Variants in DOCK5 observed in about 807,000 individuals in gnomAD.
DOCK5 encodes the protein dedicator of cytokinesis 5.
Under a neutral mutation model 251.8 loss-of-function variants are expected in DOCK5, and 142 were observed. The observed-to-expected ratio is 0.56, with a 90% CI of 0.49 to 0.65. The LOEUF is 0.65. DOCK5 is among the 30% of genes least tolerant of loss of function. DOCK5 has a pLI of 0.00. For missense variants in DOCK5, 2,111 were observed against 2,312.3 expected (o/e 0.91, Z 1.79); for synonymous variants, 842 against 835.5 (o/e 1.01, Z -0.13).
chr8:25,271,960 A>G (rs1803923793), intron 3 of DOCK5, among the ~76,000 whole-genome samples: 1 of 152,232 alleles, frequency 6.6e-6, no homozygotes, highest in Non-Finnish European at 1.5e-5. Context: ...CACACATACT[A>G]TGTAACAAAT....
At chr8:25,241,358 G>A (rs1479938372) in intron 1 of DOCK5, among the ~76,000 whole-genome samples, 1 of 151,952 alleles carries the variant, frequency 6.6e-6, no homozygotes, top group African/African-American at 2.4e-5. Flanking sequence ...GGCACCTGTA[G>A]TCCCAGCTAC....
intron 16 of DOCK5, among the ~76,000 whole-genome samples, 184 bp from the exon 17 acceptor site, chr8:25,323,664 G>T (rs907567463): frequency 2.6e-5 from 4 of 152,082 alleles, no homozygotes; most frequent in African/African-American, 9.7e-5. Flanking sequence ...GAAGAGGAGA[G>T]CATACTTGGG....
At position 25,392,892 on chromosome 8, in the gene DOCK5, T is replaced by C. The variant is rs1352984791; in HGVS notation, c.4527+10T>C. The C allele has an allele frequency of 1.9e-6, 3 of 1,603,634 alleles. No individual in the cohort carries two copies. The highest frequency in any genetic ancestry group is 3.4e-5 in the Admixed American group (2 of 58,872). The stretch of plus-strand genomic sequence containing the variant: ...CAAACAGATTTCAACAGTGAGTCAT[T>C]TGAAATTGGCATTTAGAAAAAAACT... On this transcript the variant is annotated intron_variant, in intron 44 of 51. Transcript: ENST00000276440.
chr8:25,339,257 A>G (rs1805890951), intron 22 of DOCK5, among the ~76,000 whole-genome samples: 2 of 152,118 alleles, frequency 1.3e-5, no homozygotes, highest in Admixed American at 6.6e-5. Context: ...TCAGCAAAAC[A>G]CCAAGAAAAA....
At chr8:25,370,289 C>G (rs1329758819) in intron 34 of DOCK5, among the ~76,000 whole-genome samples, 2 of 152,180 alleles carry the variant, frequency 1.3e-5, no homozygotes, top group Non-Finnish European at 2.9e-5. Flanking sequence ...AACTTCAAAC[C>G]CTGTTTTCGC....
chr8:25,366,974 A>G lies in DOCK5; in HGVS notation c.3224+4A>G. On this transcript the variant is annotated splice_donor_region_variant and intron_variant, in intron 31 of 51. Coordinates refer to ENST00000276440, the MANE Select transcript of DOCK5 (RefSeq NM_024940.8). ...AGCGCAACAAAATTGTTAAAAAGTA[A>G]GTGTCCTTTTAAAGTTAAGATCGGG... is the stretch of plus-strand genomic sequence containing the variant. 4 of 1,612,314 alleles carry G rather than the reference A, an allele frequency of 2.5e-6. No homozygotes were observed. The highest frequency in any genetic ancestry group is 3.4e-6 in the Non-Finnish European group (4 of 1,178,496).
At position 25,309,514 on chromosome 8, in the gene DOCK5, G is replaced by A. The variant is rs1805034818; in HGVS notation, c.1192+589G>A. On this transcript the variant is annotated intron_variant, in intron 12 of 51. Coordinates refer to ENST00000276440, the MANE Select transcript of DOCK5 (RefSeq NM_024940.8). ...TTTTTGCCTACCCTTCATTCCCAATGTCGACCCTAGATAATAATTATGCTC... is the reference window on the plus strand; with the variant it reads ...TTTTTGCCTACCCTTCATTCCCAATATCGACCCTAGATAATAATTATGCTC... 2.6e-5 allele frequency among the ~76,000 whole-genome samples: 4 copies of A among 152,066 alleles called. No homozygotes were observed. In the South Asian group the frequency reaches 6.2e-4, roughly 24 times the overall value.
Position 25,185,248 on chromosome 8 carries a change from G to A in DOCK5, c.43+297G>A, listed in dbSNP as rs746994586. Among the ~76,000 whole-genome samples, 68 of 152,288 alleles carry A rather than the reference G, an allele frequency of 4.5e-4. 1 individual carries two copies. Among genetic ancestry groups the A allele is most frequent in the Middle Eastern group, 3.4e-3 (1 of 294 alleles). On this transcript the variant is annotated intron_variant, in intron 1 of 51. Coordinates refer to ENST00000276440, the MANE Select transcript of DOCK5 (RefSeq NM_024940.8). ...CCAGGGAAATGTCAACGCGAGGGGG[G>A]CGCGCCTGCTGCTCTTTTGGGGCCG...
At chr8:25,190,775 G>GATTTTTT (rs755511798) in intron 1 of DOCK5, among the ~76,000 whole-genome samples, 14 of 53,980 alleles carry the variant, frequency 2.6e-4, no homozygotes, top group South Asian at 6.7e-4. Context: ...CTTGGTCATG[G>GATTTTTT]GTTTTTTTTT....
At chr8:25,341,894 C>A in intron 24 of DOCK5, 85 bp downstream of exon 24, 2 of 1,100,814 alleles carry the variant, frequency 1.8e-6, no homozygotes, top group Non-Finnish European at 2.6e-6. Flanking sequence ...CTACACCTGG[C>A]TTTTATTTTT....
intron 45 of DOCK5, among the ~76,000 whole-genome samples, chr8:25,396,572 A>G (rs1801348684): frequency 6.6e-6 from 1 of 152,188 alleles, no homozygotes; most frequent in Admixed American, 6.5e-5. Context: ...GTTAGGTATA[A>G]TTAATGGAGG....
chr8:25,273,909 G>A (rs1803977872), intron 3 of DOCK5, among the ~76,000 whole-genome samples: 1 of 152,148 alleles, frequency 6.6e-6, no homozygotes, highest in Non-Finnish European at 1.5e-5. Flanking sequence ...GGTCTCATCA[G>A]TAACGGGATT....
intron 27 of DOCK5, among the ~76,000 whole-genome samples, chr8:25,357,722 C>T (rs554466579): frequency 3.3e-5 from 5 of 152,200 alleles, no homozygotes; most frequent in Admixed American, 3.3e-4. Context: ...CTAAGGCATA[C>T]GTTCAGAAAG....
At chr8:25,213,300 C>T (rs1223770549) in intron 1 of DOCK5, among the ~76,000 whole-genome samples, 2 of 150,022 alleles carry the variant, frequency 1.3e-5, no homozygotes, top group African/African-American at 4.9e-5. Flanking sequence ...AAGCTCTCCC[C>T]ACACCCAGAT....
chr8:25,328,229 A>G (rs1037656230), intron 18 of DOCK5, among the ~76,000 whole-genome samples: 1 of 152,052 alleles, frequency 6.6e-6, no homozygotes, highest in African/African-American at 2.4e-5. Context: ...CAAACTCATC[A>G]TAACACATAC....
chr8:25,353,320 A>G (rs113985670), intron 27 of DOCK5, among the ~76,000 whole-genome samples: 1,844 of 152,296 alleles, frequency 0.012, 46 homozygotes, highest in African/African-American at 0.042. Flanking sequence ...AGCCTGGGTG[A>G]CTGAGTAAGA....
intron 2 of DOCK5, among the ~76,000 whole-genome samples, chr8:25,244,488 C>A (rs1803043146): frequency 6.6e-6 from 1 of 152,190 alleles, no homozygotes; most frequent in African/African-American, 2.4e-5. Context: ...AAGTTGAGGA[C>A]CAAACCAAGA....
chr8:25,320,462 G>T (rs544221986), intron 15 of DOCK5, among the ~76,000 whole-genome samples: 2 of 152,080 alleles, frequency 1.3e-5, no homozygotes, highest in South Asian at 4.1e-4. Flanking sequence ...ACTTGCATAA[G>T]GTTCCAAAGT....
intron 5 of DOCK5, among the ~76,000 whole-genome samples, chr8:25,279,280 A>G (rs1339603921): frequency 6.6e-6 from 1 of 152,166 alleles, no homozygotes; most frequent in Non-Finnish European, 1.5e-5. Context: ...CAGGGAAATT[A>G]CAAGGAGCCA....
Sources: gnomAD v4.1 joint callset for allele counts (sites outside exome capture counted in the v4.1 genomes callset) on GRCh38, gnomAD v4.1.1 for gene constraint, MANE v1.5 for transcripts, NCBI Gene and HGNC (gene_info 2026-07-23, HGNC 2026-07-21) for gene names.